The following MRC2 variants were observed in gnomAD, a reference collection of about 807,000 sequenced individuals.
MRC2 encodes C-type mannose receptor 2.
MRC2 carries 84 observed loss-of-function variants against 206.2 expected under a neutral mutation model. The ratio of observed to expected loss-of-function variants is 0.41; its 90% CI spans 0.34 to 0.49. MRC2 has a LOEUF of 0.49. Ranked by LOEUF, MRC2 falls within the 20% of genes least tolerant of loss-of-function variation. The pLI is 0.31. For synonymous variants in MRC2, 798 were observed against 800.0 expected (o/e 1.00, Z 0.04); for missense variants, 1,676 against 2,001.5 (o/e 0.84, Z 3.10).
chr17:62,689,790 C>T (rs740698), intron 24 of MRC2, 30 bp downstream of exon 24: 847,419 of 1,528,820 alleles, frequency 0.55, 237,771 homozygotes, highest in East Asian at 0.67. Flanking sequence ...GCCCTGGGCC[C>T]CAGCCTTGCC....
intron 1 of MRC2, among the ~76,000 whole-genome samples, chr17:62,632,301 T>G (rs1241342247): frequency 1.3e-5 from 2 of 152,000 alleles, no homozygotes; most frequent in Admixed American, 6.5e-5. Context: ...CCACCGGTTG[T>G]TTCCCTTCTT....
Position 62,690,148 on chromosome 17 carries a change from C to T in MRC2, c.3743-8C>T, listed in dbSNP as rs1356046721. 1 of 1,596,728 alleles carries T rather than the reference C, an allele frequency of 6.3e-7. No individual in the cohort carries two copies. Among genetic ancestry groups the T allele is most frequent in the Non-Finnish European group, 8.6e-7 (1 of 1,168,992 alleles). On this transcript the variant is annotated splice_polypyrimidine_tract_variant and splice_region_variant and intron_variant, in intron 25 of 29. Transcript: ENST00000303375. ...GCTGAGCCACTTCTTAATCCTGTACCCCCACAGGGCCCCCTCCTCCCCGAA... is the reference window on the plus strand; with the variant it reads ...GCTGAGCCACTTCTTAATCCTGTACTCCCACAGGGCCCCCTCCTCCCCGAA...
intron 1 of MRC2, among the ~76,000 whole-genome samples, chr17:62,645,521 A>ATTTTTTTTTT (rs2088469843): frequency 2.2e-5 from 1 of 45,566 alleles, no homozygotes; most frequent in Non-Finnish European, 4.3e-5. Flanking sequence ...ATATATATAT[A>ATTTTTTTTTT]TATATATTTT....
chr17:62,658,008 C>T (rs2088638264), intron 1 of MRC2, among the ~76,000 whole-genome samples: 1 of 152,172 alleles, frequency 6.6e-6, no homozygotes, highest in Admixed American at 6.5e-5. Context: ...CGCCTCTCCT[C>T]TGCTTTTTGA....
intron 1 of MRC2, among the ~76,000 whole-genome samples, chr17:62,643,958 T>C (rs1308049054): frequency 6.6e-6 from 1 of 152,194 alleles, no homozygotes; most frequent in African/African-American, 2.4e-5. Flanking sequence ...TATTTATGTA[T>C]ATATATGTGT....
rs138978023 is a variant in MRC2, at chr17:62,683,575, A to G, written c.2946+1198A>G. Among the ~76,000 whole-genome samples, 572 of 117,146 alleles carry G rather than the reference A, an allele frequency of 4.9e-3. 6 individuals carry two copies. Among genetic ancestry groups the G allele is most frequent in the African/African-American group, 0.018 (546 of 30,350 alleles). 76.9% of individuals were successfully genotyped at this position (117,146 alleles called of 152,430 possible). On this transcript the variant is annotated intron_variant, in intron 20 of 29. Transcript: ENST00000303375. Reference sequence around the variant, plus strand: ...ATTTTTTTGTGCTCACTCAAAAGTGATTAATTGGCTGGGAGAGGTGGCTCA... The same window carrying G: ...ATTTTTTTGTGCTCACTCAAAAGTGGTTAATTGGCTGGGAGAGGTGGCTCA...
At position 62,680,002 on chromosome 17, in the gene MRC2, C is replaced by T; in HGVS notation, c.2298+100C>T. On this transcript the variant is annotated intron_variant, in intron 14 of 29. Transcript: ENST00000303375. This position sits in a 1 kb window ranked among gnomAD's most constrained non-coding sequence, Gnocchi z 4.8. ...GAGGTGGGCGGGTTTTCTTGAGGGCCGGGCCCCCAGTCGGAGCCGGCTTCA... is the reference window on the plus strand; with the variant it reads ...GAGGTGGGCGGGTTTTCTTGAGGGCTGGGCCCCCAGTCGGAGCCGGCTTCA... 1.4e-6 allele frequency: 2 copies of T among 1,458,824 alleles called. No homozygotes were observed. Among genetic ancestry groups the T allele is most frequent in the Non-Finnish European group, 1.8e-6 (2 of 1,081,472 alleles). The allele number at this position is 1,458,824 out of a possible 1,614,324, so 90.4% of individuals were successfully genotyped here.
In MRC2 at chr17:62,690,626, CCTT is replaced by C; in HGVS notation, c.3893-12_3893-10del. The stretch of plus-strand genomic sequence containing the variant: ...GGAGACCCATCCGCCCTGACGTGGG[CCTT>C]CTTTGCATCCAGCGGGTGGGGCCGT... On this transcript the variant is annotated splice_polypyrimidine_tract_variant and intron_variant, in intron 26 of 29. Coordinates refer to ENST00000303375, the MANE Select transcript of MRC2 (RefSeq NM_006039.5). The C allele has an allele frequency of 1.8e-5, 29 of 1,589,094 alleles. No individual in the cohort carries two copies. Among genetic ancestry groups the C allele is most frequent in the Non-Finnish European group, 2.4e-5 (28 of 1,168,224 alleles).
At position 62,690,179 on chromosome 17, in the gene MRC2, A is replaced by T; in HGVS notation, c.3766A>T (p.Ser1256Cys). 5.0e-6 allele frequency: 8 copies of T among 1,608,712 alleles called. No individual in the cohort carries two copies. Among genetic ancestry groups the T allele is most frequent in the Non-Finnish European group, 6.8e-6 (8 of 1,176,182 alleles). ...SSGPPPPRRI[S>C]YHGSCPQGLA... ...AGGGCCCCCTCCTCCCCGAAGAATAAGCTACCATGGCAGCTGTCCCCAGGG... is the reference window on the plus strand; with the variant it reads ...AGGGCCCCCTCCTCCCCGAAGAATATGCTACCATGGCAGCTGTCCCCAGGG... Residue 1256 changes from serine (S) to cysteine (C), a missense_variant, in exon 26 of 30, where the codon AGC becomes TGC. Coordinates refer to ENST00000303375, the MANE Select transcript of MRC2 (RefSeq NM_006039.5).
At chr17:62,635,889 G>A (rs1399454145) in intron 1 of MRC2, among the ~76,000 whole-genome samples, 3 of 151,636 alleles carry the variant, frequency 2.0e-5, no homozygotes, top group East Asian at 2.0e-4. Flanking sequence ...CCCGGTTCAC[G>A]CAATTCTCCT....
intron 1 of MRC2, chr17:62,661,538 TTCTTTCTTTC>T (rs1221337605): frequency 2.0e-5 from 3 of 151,022 alleles, no homozygotes; most frequent in Admixed American, 6.6e-5. Context: ...CTCTTTCTTT[TTCTTTCTTTC>T]TCTTTCTTTC....
intron 1 of MRC2, among the ~76,000 whole-genome samples, chr17:62,642,897 A>G (rs2088424401): frequency 6.6e-6 from 1 of 152,222 alleles, no homozygotes; most frequent in South Asian, 2.1e-4. Context: ...GATAGAATGG[A>G]TGAATTGTGG....
chr17:62,678,125 T>C (rs534440152), intron 12 of MRC2, among the ~76,000 whole-genome samples: 1 of 152,342 alleles, frequency 6.6e-6, no homozygotes, highest in African/African-American at 2.4e-5. Context: ...TAGGTCTGGA[T>C]TGGGCCTGGT....
chr17:62,640,841 T>C (rs1185754540), intron 1 of MRC2, among the ~76,000 whole-genome samples: 1 of 151,860 alleles, frequency 6.6e-6, no homozygotes, highest in Non-Finnish European at 1.5e-5. Context: ...CCCGCCACCA[T>C]GCCCGGCTAA....
chr17:62,657,922 G>A (rs994842355), intron 1 of MRC2, among the ~76,000 whole-genome samples: 5 of 152,026 alleles, frequency 3.3e-5, no homozygotes, highest in East Asian at 1.9e-4. Context: ...CCCTGACCCC[G>A]GCTTGGCAGA....
rs1457771458 is a variant in MRC2 at position 62,671,825 on chromosome 17, C to T, written c.1294C>T (p.Gln432Ter). 1.3e-6 allele frequency: 2 copies of T among 1,597,962 alleles called. No homozygotes were observed. Among genetic ancestry groups the T allele is most frequent in the Admixed American group, 1.7e-5 (1 of 59,336 alleles). Residue 432 changes from glutamine to a stop codon, truncating the protein, a stop_gained, in exon 7 of 30, where the codon CAG becomes TAG. Transcript: ENST00000303375. LOFTEE classifies it high-confidence loss of function. This position sits in a 1 kb window ranked among gnomAD's most constrained non-coding sequence, Gnocchi z 4.5. ...SMAELEFITKQIKQEVEELWI... is the reference protein window; with the variant it reads ...SMAELEFITK ...GGCGGAGCTGGAATTCATCACCAAG[C>T]AGATCAAGCAAGGTGAGGAGCTGCC...
chr17:62,680,224 T>G lies in MRC2; in HGVS notation c.2353T>G (p.Cys785Gly). 6.2e-7 allele frequency: 1 copy of G among 1,614,114 alleles called. No individual in the cohort carries two copies. Among genetic ancestry groups the G allele is most frequent in the South Asian group, 1.1e-5 (1 of 91,078 alleles). Residue 785 changes from cysteine (C) to glycine (G), a missense_variant, in exon 15 of 30, where the codon TGT (cysteine) becomes GGT (glycine). Cys to Gly is a radical substitution (Grantham distance 159, BLOSUM62 -3). Around this residue, in one of 3 missense-constraint regions of MRC2, gnomAD observed 1,354 missense variants for 1,636.6 expected, o/e 0.83. Coordinates refer to ENST00000303375, the MANE Select transcript of MRC2 (RefSeq NM_006039.5). This position sits in a 1 kb window ranked among gnomAD's most constrained non-coding sequence, Gnocchi z 4.8. Reference protein sequence around the residue: ...SRHDDDDIRGCAVLDLASLQW... With the variant: ...SRHDDDDIRGGAVLDLASLQW... ...GCACGACGACGACGACATCCGAGGCTGTGCGGTGCTGGACCTGGCCTCCCT... is the reference window on the plus strand; with the variant it reads ...GCACGACGACGACGACATCCGAGGCGGTGCGGTGCTGGACCTGGCCTCCCT...
rs1217056051 is a variant in MRC2 at position 62,690,530 on chromosome 17, A to G, written c.3893-112A>G. 3.4e-6 allele frequency: 5 copies of G among 1,480,908 alleles called. No homozygotes were observed. The Admixed American group carries it at 6.8e-5, about 20-fold the overall frequency. 91.7% of individuals were successfully genotyped at this position (1,480,908 alleles called of 1,614,324 possible). A position where few individuals can be genotyped will look rare whatever the true frequency, so the allele number is the denominator to read the frequency against. On this transcript the variant is annotated intron_variant, in intron 26 of 29. Coordinates refer to ENST00000303375, the MANE Select transcript of MRC2 (RefSeq NM_006039.5). ...CACACACACACACATGAATCCACAGACTCCACACCATCCTCTACTCAGGCT... is the reference window on the plus strand; with the variant it reads ...CACACACACACACATGAATCCACAGGCTCCACACCATCCTCTACTCAGGCT...
At chr17:62,630,933 G>C (rs1328010590) in intron 1 of MRC2, among the ~76,000 whole-genome samples, 2 of 152,102 alleles carry the variant, frequency 1.3e-5, no homozygotes, top group African/African-American at 4.8e-5. Flanking sequence ...CTGGCTCTCT[G>C]TGAGTCATCA....
Sources: allele counts gnomAD v4.1 joint callset (sites outside exome capture counted in the v4.1 genomes callset), GRCh38; gene constraint gnomAD v4.1.1; regional missense constraint gnomAD v4.1.1; non-coding constraint Gnocchi (gnomAD v3.1); transcripts MANE v1.5; gene names NCBI Gene and HGNC (gene_info 2026-07-23, HGNC 2026-07-21).